Variants in CASK observed in about 807,000 individuals in gnomAD.
CASK encodes calcium/calmodulin dependent serine protein kinase.
A neutral mutation model predicts 82.9 loss-of-function variants in CASK; 4 were observed. The observed-to-expected ratio is 0.05, with a 90% CI of 0.02 to 0.11. CASK has a LOEUF of 0.11. Among genes scored for constraint, CASK ranks in the 10% least tolerant of loss-of-function variants. The pLI is 1.00. For synonymous variants in CASK, 259 were observed against 253.5 expected (o/e 1.02, Z -0.20); for missense variants, 358 against 720.9 (o/e 0.50, Z 5.76).
intron 5 of CASK, among the ~76,000 whole-genome samples, chrX:41,714,549 C>G (rs1385936489): frequency 9.0e-6 from 1 of 111,645 alleles, no homozygotes; most frequent in African/African-American, 3.3e-5. Context: ...CCCAAGCCCA[C>G]AATCTGTAGA....
intron 5 of CASK, among the ~76,000 whole-genome samples, chrX:41,725,089 C>T (rs1245135616): frequency 9.0e-6 from 1 of 111,714 alleles, no homozygotes; most frequent in African/African-American, 3.2e-5. Flanking sequence ...TCAGGTTGCA[C>T]TAGATTCAGA....
At chrX:41,663,195 C>A (rs963037666) in intron 7 of CASK, among the ~76,000 whole-genome samples, 3 of 110,889 alleles carry the variant, frequency 2.7e-5, no homozygotes, top group East Asian at 2.8e-4. Context: ...TATTTTTGTT[C>A]GAAATTTTTG....
At chrX:41,808,692 T>C (rs1024506510) in intron 2 of CASK, among the ~76,000 whole-genome samples, 3 of 111,704 alleles carry the variant, frequency 2.7e-5, no homozygotes, top group African/African-American at 9.8e-5. Flanking sequence ...AGGTACCGGG[T>C]TCATCTCACT....
At chrX:41,801,776 C>A (rs772117371) in intron 2 of CASK, among the ~76,000 whole-genome samples, 2 of 111,026 alleles carry the variant, frequency 1.8e-5, no homozygotes, top group South Asian at 3.9e-4. Flanking sequence ...GACACCAGAC[C>A]CCTAGCTCAC....
intron 2 of CASK, among the ~76,000 whole-genome samples, chrX:41,816,046 G>A (rs2070404615): frequency 9.0e-6 from 1 of 111,100 alleles, no homozygotes; most frequent in South Asian, 3.8e-4. Context: ...TTTTTGTAGA[G>A]ACAGGGTTTT....
chrX:41,773,007 A>G (rs2069275451), intron 3 of CASK, among the ~76,000 whole-genome samples: 1 of 111,829 alleles, frequency 8.9e-6, no homozygotes, highest in Admixed American at 9.5e-5. Flanking sequence ...ATCTCAGTCA[A>G]TCAATCAATC....
At chrX:41,536,899 AC>A (rs758471358) in intron 22 of CASK, among the ~76,000 whole-genome samples, 13 of 111,911 alleles carry the variant, frequency 1.2e-4, no homozygotes, top group Non-Finnish European at 2.4e-4. Context: ...TATTTTTTAG[AC>A]CTATTGCCCT....
chrX:41,533,910 A>C (rs1228632079), intron 24 of CASK, among the ~76,000 whole-genome samples: 1 of 111,629 alleles, frequency 9.0e-6, no homozygotes, highest in Admixed American at 9.5e-5. Context: ...CGCCCACCTC[A>C]GCCTCCCAAA....
At chrX:41,754,726 T>C (rs1381755037) in intron 3 of CASK, among the ~76,000 whole-genome samples, 2 of 111,154 alleles carry the variant, frequency 1.8e-5, no homozygotes, top group African/African-American at 6.5e-5. Context: ...AAAATGTATA[T>C]GAAACCGACA....
chrX:41,639,341 G>A (rs1419003511), intron 8 of CASK, among the ~76,000 whole-genome samples: 1 of 109,486 alleles, frequency 9.1e-6, no homozygotes, highest in Non-Finnish European at 1.9e-5. Flanking sequence ...CAAAGTGCTC[G>A]GATTACAGGC....
At chrX:41,797,557 T>C (rs1483281240) in intron 2 of CASK, among the ~76,000 whole-genome samples, 1 of 111,582 alleles carries the variant, frequency 9.0e-6, no homozygotes, top group African/African-American at 3.3e-5. Flanking sequence ...AGACTCAACA[T>C]CTATTATACA....
intron 12 of CASK, chrX:41,590,186 A>G (rs2065721911): frequency 8.8e-6 from 1 of 113,449 alleles, no homozygotes; most frequent in Non-Finnish European, 1.8e-5. Flanking sequence ...GACTCTGCCA[A>G]TTCAGAGTGG....
At chrX:41,891,494 G>C (rs771711247) in intron 1 of CASK, among the ~76,000 whole-genome samples, 1 of 111,878 alleles carries the variant, frequency 8.9e-6, no homozygotes, top group East Asian at 2.8e-4. Context: ...GAATCAATTA[G>C]ACTTATTCAA....
intron 16 of CASK, among the ~76,000 whole-genome samples, chrX:41,563,860 A>G (rs2147162387): frequency 8.9e-6 from 1 of 111,956 alleles, no homozygotes; most frequent in East Asian, 2.8e-4. Context: ...GTCCTGCCAA[A>G]CTTTCAAGAC....
In CASK at chrX:41,731,940, T is replaced by A. The variant is rs755187184; in HGVS notation, c.429+7444A>T. 1.6e-3 allele frequency among the ~76,000 whole-genome samples: 155 copies of A among 94,609 alleles called. 4 individuals carry two copies. In the East Asian group the frequency reaches 0.035, roughly 21 times the overall value. The allele number at this position is 94,609 out of a possible 115,157, so 82.2% of individuals were successfully genotyped here. A position where few individuals can be genotyped will look rare whatever the true frequency, so the allele number is the denominator to read the frequency against. On this transcript the variant is annotated intron_variant, in intron 5 of 26. Transcript: ENST00000378163. Reference sequence around the variant, plus strand: ...CCATCATGCCTGGCTAATTTTTGTATTTTTTTTTTTTTTTTTGTAGAGATG... The same window carrying A: ...CCATCATGCCTGGCTAATTTTTGTAATTTTTTTTTTTTTTTTGTAGAGATG...
At chrX:41,796,992 C>G (rs563058660) in intron 2 of CASK, among the ~76,000 whole-genome samples, 2 of 111,588 alleles carry the variant, frequency 1.8e-5, no homozygotes, top group African/African-American at 3.2e-5. Context: ...CCATTCCATA[C>G]AGCAAGACAT....
At chrX:41,712,767 C>T (rs1014701078) in intron 5 of CASK, among the ~76,000 whole-genome samples, 1 of 112,418 alleles carries the variant, frequency 8.9e-6, no homozygotes, top group Non-Finnish European at 1.9e-5. Flanking sequence ...ACATCACTAT[C>T]GTGAACCTAA....
At chrX:41,707,206 G>A (rs1044223732) in intron 5 of CASK, among the ~76,000 whole-genome samples, 1 of 112,385 alleles carries the variant, frequency 8.9e-6, no homozygotes, top group Non-Finnish European at 1.9e-5. Flanking sequence ...GGTAGACATT[G>A]TATGACATTT....
At position 41,515,960 on chromosome X, in the gene CASK, ATC is replaced by A. The variant is rs2064543821; in HGVS notation, c.*4458_*4459del. On this transcript the variant is annotated 3_prime_UTR_variant, in exon 27 of 27. Transcript: ENST00000378163. ...GGAGGTCTCCTGTGTGGTGACAAAC[ATC>A]TCTTTCCATTTTCTTTTGCTCAGTC... 8.9e-6 allele frequency: 1 copy of A among 112,277 alleles called. No homozygotes were observed. The highest frequency in any genetic ancestry group is 3.2e-5 in the African/African-American group (1 of 30,935). The allele number at this position is 112,277 out of a possible 1,213,427, so 9.3% of individuals were successfully genotyped here.
Sources: gnomAD v4.1 joint callset for allele counts (sites outside exome capture counted in the v4.1 genomes callset) on GRCh38, gnomAD v4.1.1 for gene constraint, MANE v1.5 for transcripts, NCBI Gene and HGNC (gene_info 2026-07-23, HGNC 2026-07-21) for gene names.